Variants in PTPRD observed in about 807,000 individuals in gnomAD.
The protein encoded by PTPRD is receptor-type tyrosine-protein phosphatase delta.
PTPRD carries 34 observed loss-of-function variants against 214.5 expected under a neutral mutation model. That is an observed-to-expected ratio of 0.16 (90% CI 0.12 to 0.21). The LOEUF (loss-of-function observed/expected upper bound fraction) is 0.21. Ranked by LOEUF, PTPRD falls within the 10% of genes least tolerant of loss-of-function variation. PTPRD has a pLI of 1.00. For synonymous variants in PTPRD, 1,128 were observed against 845.7 expected, an observed-to-expected ratio of 1.33 and a Z score of -5.79; for missense variants, 2,545 against 2,398.7, an observed-to-expected ratio of 1.06 and a Z score of -1.27.
chr9:9,468,298 T>A (rs977351173), intron 8 of PTPRD, among the ~76,000 whole-genome samples: 1 of 152,076 alleles, frequency 6.6e-6, no homozygotes. Flanking sequence ...AAGTTTATAA[T>A]ATTGTCTTTG....
intron 34 of PTPRD, among the ~76,000 whole-genome samples, chr9:8,438,377 G>T (rs543235849): frequency 6.6e-6 from 1 of 152,274 alleles, no homozygotes; most frequent in African/African-American, 2.4e-5. Context: ...TTTTAGTGGA[G>T]AGCCAATAAA....
chr9:10,347,428 G>A (rs981809884), intron 2 of PTPRD, among the ~76,000 whole-genome samples: 1 of 43,516 alleles, frequency 2.3e-5, no homozygotes, highest in Non-Finnish European at 4.3e-5. Flanking sequence ...TTTTTTTTTT[G>A]AGATGGAGTT....
chr9:10,283,215 C>G (rs2095214403), intron 3 of PTPRD, among the ~76,000 whole-genome samples: 1 of 152,002 alleles, frequency 6.6e-6, no homozygotes, highest in Non-Finnish European at 1.5e-5. Flanking sequence ...AAAGCTTCCT[C>G]TGAATTTCCC....
At chr9:9,930,588 C>A (rs1352427421) in intron 5 of PTPRD, among the ~76,000 whole-genome samples, 1 of 151,986 alleles carries the variant, frequency 6.6e-6, no homozygotes, top group African/African-American at 2.4e-5. Flanking sequence ...AAAGAAAAAT[C>A]TTATTGTGAT....
rs138445232 is a variant in PTPRD at position 10,270,530 on chromosome 9, A to G, written c.-545+70433T>C. On this transcript the variant is annotated intron_variant, in intron 3 of 45. Transcript: ENST00000381196. ...CAGATATTGAGAAAGCCTAATTTGA[A>G]TAAGATGTTAAATGCAGAACTGCCA... Among the ~76,000 whole-genome samples, 25 of 152,322 alleles carry G rather than the reference A, an allele frequency of 1.6e-4. No homozygotes were observed. In the East Asian group the frequency reaches 4.8e-3, roughly 29 times the overall value.
intron 11 of PTPRD, among the ~76,000 whole-genome samples, chr9:8,928,371 A>C (rs1338045450): frequency 6.6e-6 from 1 of 152,070 alleles, no homozygotes; most frequent in Non-Finnish European, 1.5e-5. Context: ...TCTTTCATTA[A>C]TTTTTGTATA....
chr9:8,805,912 G>A (rs564939258), intron 11 of PTPRD, among the ~76,000 whole-genome samples: 6 of 147,300 alleles, frequency 4.1e-5, no homozygotes, highest in East Asian at 2.2e-4. Flanking sequence ...GGAGAATGGC[G>A]TGAACCCGGG....
intron 11 of PTPRD, among the ~76,000 whole-genome samples, chr9:8,989,291 A>G (rs1335970731): frequency 2.0e-5 from 3 of 151,896 alleles, no homozygotes; most frequent in Non-Finnish European, 4.4e-5. Context: ...CTACTCTACT[A>G]TTGAATACTA....
intron 8 of PTPRD, among the ~76,000 whole-genome samples, chr9:9,455,321 C>T (rs1266815209): frequency 6.6e-6 from 1 of 151,322 alleles, no homozygotes; most frequent in African/African-American, 2.4e-5. Flanking sequence ...GTACATGATA[C>T]AGATATGCAG....
At chr9:9,366,411 T>C (rs1569567751) in intron 9 of PTPRD, among the ~76,000 whole-genome samples, 1 of 151,502 alleles carries the variant, frequency 6.6e-6, no homozygotes, top group African/African-American at 2.4e-5. Flanking sequence ...CAGCAAATGA[T>C]TTTCATTTCC....
At chr9:8,827,845 T>G (rs184971675) in intron 11 of PTPRD, among the ~76,000 whole-genome samples, 1 of 152,218 alleles carries the variant, frequency 6.6e-6, no homozygotes, top group Admixed American at 6.5e-5. Flanking sequence ...TGAACTTGAA[T>G]AGGACCTATT....
At chr9:9,767,237 G>A (rs1275222954) in intron 5 of PTPRD, among the ~76,000 whole-genome samples, 1 of 151,946 alleles carries the variant, frequency 6.6e-6, no homozygotes, top group Non-Finnish European at 1.5e-5. Context: ...GAAAGATGAA[G>A]CAGGTTAAAT....
At position 10,406,454 on chromosome 9, in the gene PTPRD, A is replaced by C. The variant is rs114412514; in HGVS notation, c.-599-65437T>G. On this transcript the variant is annotated intron_variant, in intron 2 of 45. Transcript: ENST00000381196. ...TTCATTTGCGTAAAGAAAAAAGTGA[A>C]CTGTGTGTACCCTATCAAAAATCTT... Among the ~76,000 whole-genome samples, 14 of 151,690 alleles carry C rather than the reference A, an allele frequency of 9.2e-5. No individual in the cohort carries two copies. In the South Asian group the frequency reaches 2.9e-3, roughly 31 times the overall value.
At chr9:10,241,423 T>C (rs1016905489) in intron 3 of PTPRD, among the ~76,000 whole-genome samples, 1 of 151,968 alleles carries the variant, frequency 6.6e-6, no homozygotes, top group Non-Finnish European at 1.5e-5. Flanking sequence ...GCTTTGTCTG[T>C]AATAGCCAAG....
intron 10 of PTPRD, among the ~76,000 whole-genome samples, chr9:9,146,154 G>A (rs2154484630): frequency 6.6e-6 from 1 of 152,300 alleles, no homozygotes; most frequent in Non-Finnish European, 1.5e-5. Context: ...CTGAACAGAA[G>A]TGATCCAGAA....
chr9:8,708,358 T>C (rs1467626292), intron 12 of PTPRD, among the ~76,000 whole-genome samples: 1 of 151,990 alleles, frequency 6.6e-6, no homozygotes, highest in Non-Finnish European at 1.5e-5. Flanking sequence ...GAAAACAGTA[T>C]GGAAGTTCCT....
intron 9 of PTPRD, among the ~76,000 whole-genome samples, chr9:9,365,531 G>C (rs1355141370): frequency 1.3e-5 from 2 of 151,488 alleles, no homozygotes; most frequent in Non-Finnish European, 3.0e-5. Context: ...ATCTGAGGTA[G>C]TTCTATAAAA....
chr9:8,607,477 T>G (rs1218278491), intron 14 of PTPRD, among the ~76,000 whole-genome samples: 1 of 152,030 alleles, frequency 6.6e-6, no homozygotes, highest in Admixed American at 6.6e-5. Flanking sequence ...ACCCCGTCTC[T>G]ACAAAAAATA....
chr9:8,403,494 T>C (rs963691245), intron 36 of PTPRD, among the ~76,000 whole-genome samples: 3 of 152,170 alleles, frequency 2.0e-5, no homozygotes, highest in Non-Finnish European at 4.4e-5. Context: ...CTAAGGACTT[T>C]CCAATCCAAT....
Sources: allele counts gnomAD v4.1 joint callset (sites outside exome capture counted in the v4.1 genomes callset), GRCh38; gene constraint gnomAD v4.1.1; transcripts MANE v1.5; gene names NCBI Gene and HGNC (gene_info 2026-07-23, HGNC 2026-07-21).